Variants in TMEM143 observed in about 807,000 individuals in gnomAD.
TMEM143 encodes transmembrane protein 143.
A neutral mutation model predicts 40.3 loss-of-function variants in TMEM143; 45 were observed. The observed-to-expected ratio is 1.12, with a 90% confidence interval of 0.88 to 1.43. The LOEUF is 1.43. TMEM143 is among the 40% of genes most tolerant of loss of function. The pLI is 0.00. For missense variants in TMEM143, 620 were observed against 613.4 expected, an observed-to-expected ratio of 1.01 and a Z score of -0.11; for synonymous variants, 299 against 282.7, an observed-to-expected ratio of 1.06 and a Z score of -0.58.
At position 48,357,452 on chromosome 19, in the gene TMEM143, C is replaced by T. The variant is rs537807337; in HGVS notation, c.369+2620G>A. On this transcript the variant is annotated intron_variant, in intron 3 of 7. Transcript: ENST00000293261. ...CACTGCAAGCTCCGCCTCCCGGGTT[C>T]ACGTCATTCTCCTGCCTCAGCCTCC... Among the ~76,000 whole-genome samples the T allele has an allele frequency of 8.2e-4, 121 of 148,084 alleles. No homozygotes were observed. In the South Asian group the frequency reaches 0.014, roughly 17 times the overall value.
intron 5 of TMEM143, 50 bp downstream of exon 5, chr19:48,343,271 C>A: frequency 1.3e-6 from 2 of 1,586,696 alleles, no homozygotes; most frequent in Non-Finnish European, 8.6e-7. Context: ...CCCCTCTTGA[C>A]TCTAACCTTG....
intron 6 of TMEM143, among the ~76,000 whole-genome samples, chr19:48,339,646 A>C (rs985657201): frequency 6.6e-6 from 1 of 152,068 alleles, no homozygotes; most frequent in African/African-American, 2.4e-5. Flanking sequence ...TGCAATGAAG[A>C]CAGAGATCTG....
chr19:48,350,791 G>A lies in TMEM143; in HGVS notation c.370-5437C>T, dbSNP rs189156207. Among the ~76,000 whole-genome samples the A allele has an allele frequency of 1.6e-3, 250 of 151,960 alleles. 1 individual carries two copies. The highest frequency in any genetic ancestry group is 2.3e-3 in the Non-Finnish European group (155 of 67,944). On this transcript the variant is annotated intron_variant, in intron 3 of 7. Coordinates refer to ENST00000293261, the MANE Select transcript of TMEM143 (RefSeq NM_018273.4). ...ACAAAAATTAGCCAGGCATGGTGGT[G>A]CGCGCCTGTAGTCCCAGCTACTTGG... is the stretch of plus-strand genomic sequence containing the variant.
At chr19:48,359,987 G>T in intron 3 of TMEM143, 85 bp downstream of exon 3, 1 of 1,364,866 alleles carries the variant, frequency 7.3e-7, no homozygotes, top group Non-Finnish European at 1.0e-6. Flanking sequence ...ATAAGGGCCA[G>T]GCTCCAAGAA....
At chr19:48,342,927 C>G (rs1600904248) in intron 5 of TMEM143, 118 bp from the exon 6 acceptor site, 1 of 1,252,838 alleles carries the variant, frequency 8.0e-7, no homozygotes. Flanking sequence ...AAAAGCGACT[C>G]AGTAATCATG....
intron 6 of TMEM143, among the ~76,000 whole-genome samples, chr19:48,339,739 T>G (rs534432471): frequency 6.6e-6 from 1 of 152,102 alleles, no homozygotes; most frequent in South Asian, 2.1e-4. Flanking sequence ...GTTTGTTTGT[T>G]TGTGTTGGGA....
intron 5 of TMEM143, 141 bp downstream of exon 5, chr19:48,343,180 G>A: frequency 9.3e-7 from 1 of 1,076,222 alleles, no homozygotes; most frequent in Non-Finnish European, 1.3e-6. Flanking sequence ...AGAAAAGACA[G>A]CATTTGGATG....
At chr19:48,339,684 A>C (rs1029070837) in intron 6 of TMEM143, among the ~76,000 whole-genome samples, 1 of 152,100 alleles carries the variant, frequency 6.6e-6, no homozygotes, top group Non-Finnish European at 1.5e-5. Flanking sequence ...GGAGGGGACC[A>C]GCCAGGAGGG....
intron 6 of TMEM143, among the ~76,000 whole-genome samples, chr19:48,337,809 G>T (rs1184163155): frequency 6.6e-6 from 1 of 152,188 alleles, no homozygotes; most frequent in East Asian, 1.9e-4. Context: ...GTCAGTTTAG[G>T]TGCCTGCATT....
chr19:48,361,395 T>C (rs1365926811), intron 2 of TMEM143, among the ~76,000 whole-genome samples: 1 of 152,068 alleles, frequency 6.6e-6, no homozygotes, highest in East Asian at 1.9e-4. Flanking sequence ...TTTTTGTACT[T>C]TTAATAGAGA....
chr19:48,352,049 C>T (rs1330991979), intron 3 of TMEM143, among the ~76,000 whole-genome samples: 1 of 151,360 alleles, frequency 6.6e-6, no homozygotes, highest in East Asian at 2.0e-4. Context: ...AGATCAAGAC[C>T]ATCCTGGCTA....
chr19:48,348,797 C>T (rs1299193149), intron 3 of TMEM143, among the ~76,000 whole-genome samples: 2 of 152,190 alleles, frequency 1.3e-5, no homozygotes, highest in South Asian at 4.1e-4. Context: ...CTACTGCCCT[C>T]GGGAATCAGG....
At chr19:48,357,248 C>T (rs143290469) in intron 3 of TMEM143, among the ~76,000 whole-genome samples, 2,537 of 151,856 alleles carry the variant, frequency 0.017, 68 homozygotes, top group African/African-American at 0.058. Context: ...TGAGTCACCG[C>T]GCCCGGCAGT....
chr19:48,363,478 G>A lies in TMEM143; in HGVS notation c.77C>T (p.Ser26Phe), dbSNP rs1442119085. The stretch of plus-strand genomic sequence containing the variant: ...CAACAGTGGCCATACTCGGACCCTG[G>A]ACCCCCAGACCCCCCGGGTCACATG... ...MLHVTRGVWG[S>F]RVRVWPLLPA... The change falls in exon 2 of 8, where the codon TCC (serine) becomes TTC (phenylalanine). Residue 26 changes from serine (S) to phenylalanine (F), a missense_variant. Ser to Phe is a radical substitution (Grantham distance 155). Transcript: ENST00000293261. 3.7e-6 allele frequency: 6 copies of A among 1,613,866 alleles called. No individual in the cohort carries two copies. Among genetic ancestry groups the A allele is most frequent in the Admixed American group, 3.3e-5 (2 of 60,010 alleles).
intron 3 of TMEM143, among the ~76,000 whole-genome samples, chr19:48,357,508 C>A (rs895788430): frequency 6.6e-6 from 1 of 151,884 alleles, no homozygotes; most frequent in Non-Finnish European, 1.5e-5. Flanking sequence ...CGCCCGCCAC[C>A]ACGCCCGGCT....
In TMEM143 at chr19:48,333,182, T is replaced by G. The variant is rs752118594; in HGVS notation, c.*37A>C. 1.1e-5 allele frequency: 15 copies of G among 1,401,946 alleles called. No individual in the cohort carries two copies. The highest frequency in any genetic ancestry group is 1.4e-5 in the African/African-American group (1 of 69,492). 86.8% of individuals were successfully genotyped at this position (1,401,946 alleles called of 1,614,324 possible). On this transcript the variant is annotated 3_prime_UTR_variant, in exon 8 of 8. Transcript: ENST00000293261. This position sits in a 1 kb window ranked among gnomAD's most constrained non-coding sequence, Gnocchi z 4.1. ...TGTCGTGAAGGAGGCGGGGCTTAGT[T>G]CCTAGCCTGCTGACTGGGCAGGGAG...
At chr19:48,357,569 G>A (rs1969938627) in intron 3 of TMEM143, among the ~76,000 whole-genome samples, 1 of 150,468 alleles carries the variant, frequency 6.6e-6, no homozygotes, top group Non-Finnish European at 1.5e-5. Context: ...TGTTAGACAG[G>A]ATGGTCTCGA....
chr19:48,350,277 C>T (rs1445389877), intron 3 of TMEM143, among the ~76,000 whole-genome samples: 1 of 151,816 alleles, frequency 6.6e-6, no homozygotes, highest in East Asian at 1.9e-4. Context: ...TCCCAAAGTG[C>T]TGGGATTACA....
At chr19:48,352,834 C>A (rs1043367534) in intron 3 of TMEM143, among the ~76,000 whole-genome samples, 1 of 151,944 alleles carries the variant, frequency 6.6e-6, no homozygotes, top group Non-Finnish European at 1.5e-5. Context: ...CCAAGCTGGT[C>A]TCAAACTCCT....
Sources: allele counts gnomAD v4.1 joint callset (sites outside exome capture counted in the v4.1 genomes callset), GRCh38; gene constraint gnomAD v4.1.1; non-coding constraint Gnocchi (gnomAD v3.1); transcripts MANE v1.5; gene names NCBI Gene and HGNC (gene_info 2026-07-23, HGNC 2026-07-21).